The following FAM200B variants were observed in gnomAD, a reference collection of about 807,000 sequenced individuals.
FAM200B encodes protein FAM200B.
FAM200B carries 32 observed loss-of-function variants against 33.1 expected under a neutral mutation model. The ratio of observed to expected loss-of-function variants is 0.97; its 90% CI spans 0.73 to 1.30. FAM200B has a LOEUF of 1.30. Ranked by LOEUF, FAM200B falls within the 50% of genes most tolerant of loss-of-function variation. The pLI, the probability that FAM200B is intolerant of heterozygous loss-of-function variation, is 0.00. For synonymous variants in FAM200B, 240 were observed against 264.8 expected (o/e 0.91, Z 0.91); for missense variants, 741 against 754.0 (o/e 0.98, Z 0.20).
At chr4:15,658,054 A>G in the FAM200B span, among the ~76,000 whole-genome samples, 1 of 152,232 alleles carries the variant, frequency 6.6e-6, no homozygotes, top group African/African-American at 2.4e-5. Flanking sequence ...CAACCTAAAA[A>G]TATAACTTAT....
chr4:15,680,533 C>G (rs557185112), upstream of FAM200B, among the ~76,000 whole-genome samples: 11 of 152,118 alleles, frequency 7.2e-5, no homozygotes, highest in Non-Finnish European at 1.5e-4. Context: ...AAAAATTAGC[C>G]TGGCATGGTG....
In FAM200B at chr4:15,687,387, G is replaced by A; in HGVS notation, c.410G>A (p.Ser137Asn). 6.5e-7 allele frequency: 1 copy of A among 1,546,996 alleles called. No individual in the cohort carries two copies. The highest frequency in any genetic ancestry group is 8.7e-7 in the Non-Finnish European group (1 of 1,144,270). The change falls in exon 2 of 2, where the codon AGT (serine) becomes AAT (asparagine). Residue 137 changes from serine (S) to asparagine (N), a missense_variant. Transcript: ENST00000422728. ...ATAAAGTTATCAACACAATTTCTTAGTTGTTCTACTGCTGTTAGTGAGAAA... is the reference window on the plus strand; with the variant it reads ...ATAAAGTTATCAACACAATTTCTTAATTGTTCTACTGCTGTTAGTGAGAAA... ...KDIKLSTQFL[S>N]CSTAVSEKAL...
chr4:15,678,613 C>CAAA (rs10693429), upstream of FAM200B, among the ~76,000 whole-genome samples: 53,241 of 151,784 alleles, frequency 0.35, 9,688 homozygotes, highest in Non-Finnish European at 0.37. Context: ...ACTTTTTGAC[C>CAAA]AAAATGATCT....
In FAM200B at chr4:15,687,493, T is replaced by C. The variant is rs1414802407; in HGVS notation, c.516T>C (p.Leu172=). The change falls in exon 2 of 2, where the codon CTT becomes CTC. Residue 172 remains leucine (L), a synonymous_variant. Transcript: ENST00000422728. ...IANTAAEKII[L]PACLDMVRTI... ...ACACAGCTGCTGAAAAAATTATTCT[T>C]CCAGCATGTTTGGATATGGTGCGTA... The C allele has an allele frequency of 6.4e-7, 1 of 1,551,120 alleles. No individual in the cohort carries two copies.
chr4:15,687,012 G>A lies in FAM200B; in HGVS notation c.35G>A (p.Ser12Asn), dbSNP rs1158925308. The change falls in exon 2 of 2, where the codon AGT becomes AAT. Residue 12 changes from serine (S) to asparagine (N), a missense_variant. Ser to Asn is a conservative substitution (Grantham distance 46). Coordinates refer to ENST00000422728, the MANE Select transcript of FAM200B (RefSeq NM_001145191.2). The part of the protein sequence containing the change: ...DHFFIKRKRN[S>N]EVKYTEACSS... ...TTCTTTATTAAAAGAAAGAGGAATAGTGAAGTGAAATATACAGAAGCATGT... is the reference window on the plus strand; with the variant it reads ...TTCTTTATTAAAAGAAAGAGGAATAATGAAGTGAAATATACAGAAGCATGT... 1 of 1,450,120 alleles carries A rather than the reference G, an allele frequency of 6.9e-7. No homozygotes were observed. Among genetic ancestry groups the A allele is most frequent in the Admixed American group, 2.7e-5 (1 of 37,078 alleles). 89.8% of individuals were successfully genotyped at this position (1,450,120 alleles called of 1,614,324 possible). A position where few individuals can be genotyped will look rare whatever the true frequency, so the allele number is the denominator to read the frequency against.
chr4:15,656,582 A>G, the FAM200B span, among the ~76,000 whole-genome samples: 1 of 152,250 alleles, frequency 6.6e-6, no homozygotes, highest in South Asian at 2.1e-4. Flanking sequence ...TTTAGTTCTA[A>G]TCTTATATTA....
intron 1 of FAM200B, among the ~76,000 whole-genome samples, chr4:15,682,934 G>C (rs1718467538): frequency 6.6e-6 from 1 of 152,218 alleles, no homozygotes; most frequent in African/African-American, 2.4e-5. Flanking sequence ...CTGGAAAGAT[G>C]AGGCTTAAGC....
At chr4:15,664,632 ACT>A in the FAM200B span, among the ~76,000 whole-genome samples, 6 of 129,372 alleles carry the variant, frequency 4.6e-5, no homozygotes, top group Non-Finnish European at 7.6e-5. Context: ...ATCTCAGCTC[ACT>A]GCAACCTCTG....
Position 15,688,451 on chromosome 4 carries a change from G to C in FAM200B, c.1474G>C (p.Glu492Gln), listed in dbSNP as rs1259411536. 4 of 1,543,136 alleles carry C rather than the reference G, an allele frequency of 2.6e-6. No individual in the cohort carries two copies. Among genetic ancestry groups the C allele is most frequent in the Non-Finnish European group, 3.5e-6 (4 of 1,140,914 alleles). The change falls in exon 2 of 2, where the codon GAA becomes CAA. Residue 492 changes from glutamate (E) to glutamine (Q), a missense_variant. By Grantham distance (29) the Glu-to-Gln change is conservative. Coordinates refer to ENST00000422728, the MANE Select transcript of FAM200B (RefSeq NM_001145191.2). ...YMFPRFLQHI[E>Q]ENIINENILK... ...GTTTCCAAGATTTTTGCAGCATATT[G>C]AAGAGAATATTATTAATGAAAACAT... is the stretch of plus-strand genomic sequence containing the variant.
At chr4:15,680,844 T>C (rs951504585), upstream of FAM200B, among the ~76,000 whole-genome samples, 1 of 150,752 alleles carries the variant, frequency 6.6e-6, no homozygotes, top group Non-Finnish European at 1.5e-5. Flanking sequence ...CTGTTTAAGG[T>C]AGAATTTAAA....
the FAM200B span, among the ~76,000 whole-genome samples, chr4:15,646,153 T>A: frequency 6.6e-6 from 1 of 152,220 alleles, no homozygotes; most frequent in African/African-American, 2.4e-5. Context: ...AGCACAAAAG[T>A]AGTCATAGAC....
chr4:15,689,641 G>A lies in FAM200B; in HGVS notation c.*690G>A, dbSNP rs962389633. The A allele has an allele frequency of 2.5e-5, 4 of 158,102 alleles. No individual in the cohort carries two copies. Among genetic ancestry groups the A allele is most frequent in the African/African-American group, 9.7e-5 (4 of 41,410 alleles). The allele number at this position is 158,102 out of a possible 1,614,324, so 9.8% of individuals were successfully genotyped here. ...ATATTTTAAAAATAAGTCAGGTGTG[G>A]TGGTGCACACCTATAGTCCCAGCTA... On this transcript the variant is annotated 3_prime_UTR_variant, in exon 2 of 2. Transcript: ENST00000422728.
At chr4:15,641,226 A>G in the FAM200B span, among the ~76,000 whole-genome samples, 2 of 152,182 alleles carry the variant, frequency 1.3e-5, no homozygotes, top group Non-Finnish European at 1.5e-5. Context: ...GGACTGTATC[A>G]TTACAGAATC....
chr4:15,645,339 A>C, the FAM200B span, among the ~76,000 whole-genome samples: 2 of 152,230 alleles, frequency 1.3e-5, no homozygotes, highest in Non-Finnish European at 2.9e-5. Context: ...TTTAAGAGTC[A>C]TAGTGAACCA....
the FAM200B span, among the ~76,000 whole-genome samples, chr4:15,653,054 T>C: frequency 4.4e-4 from 67 of 152,158 alleles, no homozygotes; most frequent in Non-Finnish European, 1.8e-4. Context: ...CTAAGAGAGA[T>C]TTCCATTGGC....
At chr4:15,682,188 T>C (rs1718361557) in intron 1 of FAM200B, among the ~76,000 whole-genome samples, 1 of 152,200 alleles carries the variant, frequency 6.6e-6, no homozygotes, top group African/African-American at 2.4e-5. Context: ...AGCTGGTACC[T>C]GGCAGTTTCC....
the FAM200B span, chr4:15,644,788 T>C: frequency 3.0e-6 from 3 of 1,001,802 alleles, no homozygotes; most frequent in Non-Finnish European, 4.4e-6. Flanking sequence ...TACATCCCTA[T>C]TCACTTTTGC....
the FAM200B span, chr4:15,640,791 CT>C: frequency 6.7e-7 from 1 of 1,502,810 alleles, no homozygotes; most frequent in Non-Finnish European, 9.0e-7. Context: ...TGCTTACCTC[CT>C]CTTCCTCTTT....
the FAM200B span, among the ~76,000 whole-genome samples, chr4:15,653,046 A>C: frequency 2.0e-5 from 3 of 152,174 alleles, no homozygotes; most frequent in Admixed American, 6.5e-5. Context: ...AGGACATCCT[A>C]AGAGAGATTT....
Sources: gnomAD v4.1 joint callset for allele counts (sites outside exome capture counted in the v4.1 genomes callset) on GRCh38, gnomAD v4.1.1 for gene constraint, MANE v1.5 for transcripts, NCBI Gene and HGNC (gene_info 2026-07-23, HGNC 2026-07-21) for gene names.